PGS1: variants seen among roughly 807,000 people sequenced by gnomAD.
PGS1 encodes the protein phosphatidylglycerophosphate synthase 1.
In PGS1, 44 loss-of-function variants were observed where a neutral mutation model predicts 58.3. That is an observed-to-expected ratio of 0.75 (90% CI 0.59 to 0.97). The LOEUF is 0.97. Ranked by LOEUF, PGS1 falls within the 50% of genes least tolerant of loss-of-function variation. The pLI is 0.00. For synonymous variants in PGS1, 330 were observed against 311.0 expected (o/e 1.06, Z -0.64); for missense variants, 684 against 731.1 (o/e 0.94, Z 0.74).
chr17:78,418,303 CGGAA>C (rs531912656), intron 8 of PGS1, among the ~76,000 whole-genome samples: 47 of 152,200 alleles, frequency 3.1e-4, no homozygotes, highest in Non-Finnish European at 1.3e-4. Context: ...TTAAGAAAAA[CGGAA>C]AGAAACTAAC....
chr17:78,419,465 G>A (rs1693816826), intron 8 of PGS1, 81 bp from the exon 9 acceptor site: 2 of 1,262,530 alleles, frequency 1.6e-6, no homozygotes, highest in South Asian at 1.2e-5. Flanking sequence ...CTGGCCTGAG[G>A]GGCTGGGCTG....
intron 9 of PGS1, 41 bp from the exon 10 acceptor site, chr17:78,424,013 TGTACACG>T (rs1305450859): frequency 1.2e-6 from 2 of 1,614,060 alleles, no homozygotes; most frequent in Admixed American, 1.7e-5. Flanking sequence ...ATGCGTGTTT[TGTACACG>T]GGACACTCAT....
At chr17:78,399,695 G>A (rs1214001277) in intron 5 of PGS1, among the ~76,000 whole-genome samples, 158 bp downstream of exon 5, 1 of 152,226 alleles carries the variant, frequency 6.6e-6, no homozygotes, top group African/African-American at 2.4e-5. Context: ...CACTGTCTCT[G>A]CCACTGAGGC....
chr17:78,389,612 T>C (rs2146112274), intron 1 of PGS1, among the ~76,000 whole-genome samples: 1 of 115,910 alleles, frequency 8.6e-6, no homozygotes, highest in African/African-American at 3.2e-5. Flanking sequence ...TGAGCCACCG[T>C]GCTCGGCCCC....
chr17:78,415,098 T>C, intron 8 of PGS1, 71 bp downstream of exon 8: 2 of 1,566,610 alleles, frequency 1.3e-6, no homozygotes, highest in Non-Finnish European at 1.7e-6. Context: ...ACCCGTGCTG[T>C]GGGGCTGCCC....
chr17:78,408,458 G>A (rs1054482923), intron 7 of PGS1, among the ~76,000 whole-genome samples: 1 of 152,214 alleles, frequency 6.6e-6, no homozygotes, highest in African/African-American at 2.4e-5. Flanking sequence ...GAACAGGGCT[G>A]ATATTTGACT....
chr17:78,399,254 A>G, intron 4 of PGS1, 94 bp from the exon 5 acceptor site: 1 of 932,286 alleles, frequency 1.1e-6, no homozygotes, highest in Non-Finnish European at 1.7e-6. Context: ...TGGACGGCAC[A>G]GGTGAAGGCG....
At chr17:78,405,655 C>A (rs186932308) in intron 7 of PGS1, among the ~76,000 whole-genome samples, 1 of 152,192 alleles carries the variant, frequency 6.6e-6, no homozygotes, top group African/African-American at 2.4e-5. Flanking sequence ...GGAGGGTGCC[C>A]GCCTCTAGCA....
rs754955057 is a variant in PGS1, at chr17:78,403,631, G to A, written c.944G>A (p.Arg315Lys). 1 of 1,614,174 alleles carries A rather than the reference G, an allele frequency of 6.2e-7. No homozygotes were observed. Among genetic ancestry groups the A allele is most frequent in the Non-Finnish European group, 8.5e-7 (1 of 1,180,042 alleles). The part of the protein sequence containing the change: ...KRVMDVINSA[R>K]TRQQMLHAQT... Reference sequence around the variant, plus strand: ...GTCATGGATGTGATCAACTCAGCCAGGACCCGCCAGCAGATGCTGCATGCC... The same window carrying A: ...GTCATGGATGTGATCAACTCAGCCAAGACCCGCCAGCAGATGCTGCATGCC... The change falls in exon 7 of 10, where the codon AGG becomes AAG. Residue 315 changes from arginine (R) to lysine (K), a missense_variant. Arg to Lys is a conservative substitution (Grantham distance 26, BLOSUM62 2). Coordinates refer to ENST00000262764, the MANE Select transcript of PGS1 (RefSeq NM_024419.5).
At chr17:78,381,683 T>A (rs568319525) in intron 1 of PGS1, among the ~76,000 whole-genome samples, 24 of 152,312 alleles carry the variant, frequency 1.6e-4, no homozygotes, top group African/African-American at 5.8e-4. Context: ...AGGTTTTAGC[T>A]TGTCGATCTG....
chr17:78,423,990 G>T, intron 9 of PGS1, 71 bp from the exon 10 acceptor site: 7 of 1,614,034 alleles, frequency 4.3e-6, no homozygotes, highest in Non-Finnish European at 5.9e-6. Flanking sequence ...TCCAGACATA[G>T]GTGGGGCCGC....
chr17:78,410,285 T>C (rs1050753790), intron 7 of PGS1, among the ~76,000 whole-genome samples: 11 of 151,056 alleles, frequency 7.3e-5, no homozygotes, highest in East Asian at 4.0e-4. Flanking sequence ...AAAAATTAGC[T>C]GGGCATGGTT....
intron 1 of PGS1, among the ~76,000 whole-genome samples, chr17:78,389,186 C>A (rs8068866): frequency 6.7e-6 from 1 of 149,222 alleles, no homozygotes; most frequent in African/African-American, 2.5e-5. Flanking sequence ...CAGCCACGGG[C>A]GGCTAATTTT....
In PGS1 at chr17:78,379,875, CTTTTT is replaced by C. The variant is rs141604982; in HGVS notation, c.143+1073_143+1077del. ...TGTGCAAATAGTTTTCTTTTCTTTTCTTTTTTTTTTGAGACGGAGTTTCACTCGTT... is the reference window on the plus strand; with the variant it reads ...TGTGCAAATAGTTTTCTTTTCTTTTCTTTTTGAGACGGAGTTTCACTCGTT... On this transcript the variant is annotated intron_variant, in intron 1 of 9. Coordinates refer to ENST00000262764, the MANE Select transcript of PGS1 (RefSeq NM_024419.5). Among the ~76,000 whole-genome samples the C allele has an allele frequency of 3.4e-5, 5 of 146,850 alleles. No homozygotes were observed. In the East Asian group the frequency reaches 1.0e-3, roughly 30 times the overall value.
chr17:78,410,877 C>T (rs2084624425), intron 7 of PGS1, among the ~76,000 whole-genome samples: 1 of 152,122 alleles, frequency 6.6e-6, no homozygotes, highest in Admixed American at 6.6e-5. Flanking sequence ...CCAGCTGTGT[C>T]CCAGGCATCA....
chr17:78,384,350 G>A (rs975987851), intron 1 of PGS1, among the ~76,000 whole-genome samples: 6 of 152,140 alleles, frequency 3.9e-5, no homozygotes, highest in East Asian at 1.9e-4. Flanking sequence ...CAGGAAGTAC[G>A]GTACCTTCTT....
intron 2 of PGS1, among the ~76,000 whole-genome samples, chr17:78,393,673 A>C (rs550970742): frequency 6.6e-6 from 1 of 152,278 alleles, no homozygotes; most frequent in East Asian, 1.9e-4. Flanking sequence ...TAAGGCTTGT[A>C]GTCTTGGTTC....
chr17:78,404,119 AGT>A, intron 7 of PGS1, 30 bp downstream of exon 7: 1 of 1,482,010 alleles, frequency 6.7e-7, no homozygotes. Context: ...AGGACGTTCC[AGT>A]GTGGGACAGC....
intron 4 of PGS1, among the ~76,000 whole-genome samples, chr17:78,399,047 G>A (rs956825097): frequency 6.6e-5 from 10 of 152,202 alleles, no homozygotes; most frequent in Admixed American, 3.3e-4. Flanking sequence ...GAAATGCTGC[G>A]AGTGGGTGGG....
Sources: gnomAD v4.1 joint callset for allele counts (sites outside exome capture counted in the v4.1 genomes callset) on GRCh38, gnomAD v4.1.1 for gene constraint, MANE v1.5 for transcripts, NCBI Gene and HGNC (gene_info 2026-07-23, HGNC 2026-07-21) for gene names.